PCDHGA8: variants seen among roughly 807,000 people sequenced by gnomAD.
The protein encoded by PCDHGA8 is protocadherin gamma subfamily A, 8, also known as protocadherin gamma-A8.
In PCDHGA8, 45 loss-of-function variants were observed where a neutral mutation model predicts 59.2. That is an observed-to-expected ratio of 0.76 (90% CI 0.60 to 0.98). The LOEUF (loss-of-function observed/expected upper bound fraction) is 0.98, where lower values mean the gene tolerates loss of function less well. Ranked by LOEUF, PCDHGA8 falls within the 50% of genes least tolerant of loss-of-function variation. The probability of loss-of-function intolerance (pLI) is 0.00; values close to 1 mark genes in which losing one functional copy is unlikely to be tolerated. For missense variants in PCDHGA8, 1,257 were observed against 1,196.2 expected, an observed-to-expected ratio of 1.05 and a Z score of -0.75; for synonymous variants, 531 against 519.0, an observed-to-expected ratio of 1.02 and a Z score of -0.32.
chr5:141,395,422 G>T, intron 1 of PCDHGA8, 185 bp downstream of exon 1: 1 of 728,826 alleles, frequency 1.4e-6, no homozygotes, highest in Non-Finnish European at 2.1e-6. Flanking sequence ...TGTTTCATTT[G>T]CTTTTAAACG....
intron 1 of PCDHGA8, among the ~76,000 whole-genome samples, chr5:141,449,674 TA>T (rs2154562752): frequency 6.6e-6 from 1 of 151,604 alleles, no homozygotes; most frequent in African/African-American, 2.4e-5. Context: ...AGTGTGTATG[TA>T]TATATGTTTG....
At chr5:141,435,593 G>A (rs183768133) in intron 1 of PCDHGA8, among the ~76,000 whole-genome samples, 9 of 152,112 alleles carry the variant, frequency 5.9e-5, no homozygotes, top group Admixed American at 2.6e-4. Flanking sequence ...CAGTAATATC[G>A]CCTGCTTTTT....
In PCDHGA8 at chr5:141,402,676, C is replaced by T. The variant is rs746643713; in HGVS notation, c.2424+7439C>T. 2.0e-5 allele frequency among the ~76,000 whole-genome samples: 3 copies of T among 152,282 alleles called. No homozygotes were observed. The East Asian group carries it at 5.8e-4, about 29-fold the overall frequency. ...GAGTAGTGTTTTCTTTATCAGCCAT[C>T]TGATATAATGTTACACATCAGTGGG... On this transcript the variant is annotated intron_variant, in intron 1 of 3. Transcript: ENST00000398604.
rs200045647 is a variant in PCDHGA8, at chr5:141,490,150, G to A, written c.2425-4657G>A. 50 of 1,614,246 alleles carry A rather than the reference G, an allele frequency of 3.1e-5. No individual in the cohort carries two copies. The Admixed American group carries it at 7.7e-4, about 25-fold the overall frequency. On this transcript the variant is annotated intron_variant, in intron 1 of 3. Transcript: ENST00000398604. The surrounding 1 kb of genome is among the most constrained non-coding windows in gnomAD (Gnocchi z 5.4). ...AGACCCTAGCAGTGGGGCAATCCAT[G>A]TGTTGGGTCCCATAGACTTTGAGGA...
chr5:141,403,616 C>T (rs2094434764), intron 1 of PCDHGA8: 1 of 1,613,774 alleles, frequency 6.2e-7, no homozygotes, highest in South Asian at 1.1e-5. Flanking sequence ...CGAGCCGCGT[C>T]GCTCCAGCAC....
rs562011010 is a variant in PCDHGA8, at chr5:141,427,600, G to A, written c.2424+32363G>A. On this transcript the variant is annotated intron_variant, in intron 1 of 3. Coordinates refer to ENST00000398604, the MANE Select transcript of PCDHGA8 (RefSeq NM_032088.2). ...TCATCCAGCACAAGCCTCACCCTAC[G>A]CATTGGTGAAGTCAACGACAATGCT... The A allele has an allele frequency of 6.7e-5, 46 of 683,296 alleles. 1 individual carries two copies. The East Asian group carries it at 1.2e-3, about 18-fold the overall frequency. 42.3% of individuals were successfully genotyped at this position (683,296 alleles called of 1,614,324 possible). A position where few individuals can be genotyped will look rare whatever the true frequency, so the allele number is the denominator to read the frequency against.
At chr5:141,464,729 G>T (rs1412585185) in intron 1 of PCDHGA8, among the ~76,000 whole-genome samples, 1 of 151,948 alleles carries the variant, frequency 6.6e-6, no homozygotes, top group Non-Finnish European at 1.5e-5. Context: ...ATGTTTAAAA[G>T]CCAGTTTATA....
chr5:141,505,267 A>G (rs2099845018), intron 2 of PCDHGA8, 126 bp from the exon 3 acceptor site: 1 of 1,514,640 alleles, frequency 6.6e-7, no homozygotes, highest in Admixed American at 2.0e-5. Flanking sequence ...TACCTTGCTG[A>G]GAGAAACAGG....
Position 141,431,154 on chromosome 5 carries a change from A to G in PCDHGA8, c.2424+35917A>G, listed in dbSNP as rs754200786. ...AGGGACATTAACGACAATGCGCCTT[A>G]CTTTCGTGAAAGTGAATTAGAAATA... On this transcript the variant is annotated intron_variant, in intron 1 of 3. Coordinates refer to ENST00000398604, the MANE Select transcript of PCDHGA8 (RefSeq NM_032088.2). The surrounding 1 kb of genome is among the most constrained non-coding windows in gnomAD (Gnocchi z 4.8). 1.1e-5 allele frequency: 18 copies of G among 1,614,136 alleles called. No homozygotes were observed. In the East Asian group the frequency reaches 4.0e-4, roughly 36 times the overall value.
rs113212669 is a variant in PCDHGA8 at position 141,465,048 on chromosome 5, A to T, written c.2425-29759A>T. 2.4e-3 allele frequency among the ~76,000 whole-genome samples: 362 copies of T among 151,344 alleles called. 4 individuals are homozygous for T. Among genetic ancestry groups the T allele is most frequent in the African/African-American group, 8.4e-3 (346 of 41,268 alleles). On this transcript the variant is annotated intron_variant, in intron 1 of 3. Transcript: ENST00000398604. ...TGAACCACCACAAATGACCCTATAT[A>T]TTTTTTTGAATTGTCTGTTCATGTC...
chr5:141,470,837 G>A (rs932315417), intron 1 of PCDHGA8, among the ~76,000 whole-genome samples: 4 of 151,948 alleles, frequency 2.6e-5, no homozygotes, highest in Non-Finnish European at 4.4e-5. Flanking sequence ...ACAAACACAC[G>A]CCACCATGCT....
chr5:141,395,548 G>T (rs869036595), intron 1 of PCDHGA8: 6 of 21,284 alleles, frequency 2.8e-4, no homozygotes, highest in African/African-American at 1.1e-3. Context: ...TTGTTTGTGT[G>T]TGTGTGTGTG....
chr5:141,476,367 G>C lies in PCDHGA8; in HGVS notation c.2425-18440G>C, dbSNP rs754652710. ...TTCTTTGAGGTGAACCGGGAGACCG[G>C]AGAGATGTTTGTGAACGACCGTCTG... On this transcript the variant is annotated intron_variant, in intron 1 of 3. Transcript: ENST00000398604. This position sits in a 1 kb window ranked among gnomAD's most constrained non-coding sequence, Gnocchi z 7.6. 6.2e-7 allele frequency: 1 copy of C among 1,614,172 alleles called. No homozygotes were observed. Among genetic ancestry groups the C allele is most frequent in the Non-Finnish European group, 8.5e-7 (1 of 1,180,036 alleles).
In PCDHGA8 at chr5:141,490,242, T is replaced by G. The variant is rs2099697678; in HGVS notation, c.2425-4565T>G. 6.2e-7 allele frequency: 1 copy of G among 1,614,194 alleles called. No individual in the cohort carries two copies. The highest frequency in any genetic ancestry group is 8.5e-7 in the Non-Finnish European group (1 of 1,180,028). ...GACAGCCTGCCATGGAGGGCCACTG[T>G]GTGATTCAAGTGGATGTGGGGGATG... On this transcript the variant is annotated intron_variant, in intron 1 of 3. Transcript: ENST00000398604. The surrounding 1 kb of genome is among the most constrained non-coding windows in gnomAD (Gnocchi z 5.4).
At chr5:141,408,303 G>A in intron 1 of PCDHGA8, 3 of 1,613,794 alleles carry the variant, frequency 1.9e-6, no homozygotes, top group Non-Finnish European at 2.5e-6. Flanking sequence ...GAGCCGATCC[G>A]CTACTCGATT....
At position 141,486,530 on chromosome 5, in the gene PCDHGA8, C is replaced by T; in HGVS notation, c.2425-8277C>T. 6.2e-7 allele frequency: 1 copy of T among 1,614,174 alleles called. No homozygotes were observed. The highest frequency in any genetic ancestry group is 8.5e-7 in the Non-Finnish European group (1 of 1,180,022). On this transcript the variant is annotated intron_variant, in intron 1 of 3. Transcript: ENST00000398604. The surrounding 1 kb of genome is among the most constrained non-coding windows in gnomAD (Gnocchi z 5.0). Reference sequence around the variant, plus strand: ...TATTTCAGATGTGAATGATAATCCACCCTCTTTCTTTCAGAGGTCACATGA... The same window carrying T: ...TATTTCAGATGTGAATGATAATCCATCCTCTTTCTTTCAGAGGTCACATGA...
chr5:141,510,451 G>A (rs1330148267), intron 3 of PCDHGA8, among the ~76,000 whole-genome samples: 2 of 152,096 alleles, frequency 1.3e-5, no homozygotes, highest in East Asian at 1.9e-4. Context: ...AGGAGCCCAT[G>A]GTCTAGTGTG....
intron 1 of PCDHGA8, chr5:141,403,849 G>C (rs1422192604): frequency 6.2e-7 from 1 of 1,613,560 alleles, no homozygotes; most frequent in South Asian, 1.1e-5. Context: ...AAAATACTGG[G>C]GAAATATCAA....
intron 1 of PCDHGA8, among the ~76,000 whole-genome samples, chr5:141,481,655 T>A (rs933683728): frequency 1.3e-5 from 2 of 152,054 alleles, no homozygotes; most frequent in African/African-American, 4.8e-5. Flanking sequence ...TCATCTCTAC[T>A]AATAATACAA....
Sources: allele counts gnomAD v4.1 joint callset (sites outside exome capture counted in the v4.1 genomes callset), GRCh38; gene constraint gnomAD v4.1.1; non-coding constraint Gnocchi (gnomAD v3.1); transcripts MANE v1.5; gene names NCBI Gene and HGNC (gene_info 2026-07-23, HGNC 2026-07-21).